LRRC37A: variants seen among roughly 807,000 people sequenced by gnomAD.
LRRC37A encodes leucine-rich repeat-containing protein 37A.
LRRC37A carries 3 observed loss-of-function variants against 35.4 expected under a neutral mutation model. That is an observed-to-expected ratio of 0.08 (90% CI 0.04 to 0.22). The LOEUF is 0.22. Among genes scored for constraint, LRRC37A ranks in the 10% least tolerant of loss-of-function variants. The pLI is 1.00. For synonymous variants in LRRC37A, 23 were observed against 215.0 expected (o/e 0.11, Z 7.81); for missense variants, 67 against 565.3 (o/e 0.12, Z 8.94).
At chr17:46,323,560 C>T in intron 7 of LRRC37A, among the ~76,000 whole-genome samples, 1 of 91,050 alleles carries the variant, frequency 1.1e-5, no homozygotes, top group East Asian at 2.9e-4. Context: ...CCACACCTGG[C>T]TAATTTTTGT....
At chr17:46,271,672 AAAC>A in the LRRC37A span, among the ~76,000 whole-genome samples, 8 of 152,086 alleles carry the variant, frequency 5.3e-5, no homozygotes, top group Non-Finnish European at 1.0e-4. Context: ...GGTAGATTAC[AAAC>A]AACAGCAAAT....
At chr17:46,331,225 C>T (rs754036546) in exon 9 of LRRC37A, 1 of 724,892 alleles carries the variant, frequency 1.4e-6, no homozygotes, top group East Asian at 2.6e-5. Flanking sequence ...ACGTGACCCA[C>T]AGAACAACCA....
the LRRC37A span, among the ~76,000 whole-genome samples, chr17:46,278,507 C>T: frequency 6.6e-6 from 1 of 150,744 alleles, no homozygotes; most frequent in Non-Finnish European, 1.5e-5. Flanking sequence ...TGGGTTCAAG[C>T]GATTTTCCAC....
At chr17:46,282,001 C>T in the LRRC37A span, among the ~76,000 whole-genome samples, 1 of 152,074 alleles carries the variant, frequency 6.6e-6, no homozygotes, top group African/African-American at 2.4e-5. Flanking sequence ...GCCTACTTTT[C>T]TTGCTTCCTT....
At chr17:46,307,785 G>A (rs2050618011) in intron 5 of LRRC37A, among the ~76,000 whole-genome samples, 3 of 79,096 alleles carry the variant, frequency 3.8e-5, no homozygotes, top group African/African-American at 9.4e-5. Context: ...TGCTGAGGTG[G>A]GTGGATCACC....
chr17:46,277,093 C>T, the LRRC37A span, among the ~76,000 whole-genome samples: 1 of 152,370 alleles, frequency 6.6e-6, no homozygotes, highest in Non-Finnish European at 1.5e-5. Flanking sequence ...GTGTGAGCCA[C>T]TGCACACAGC....
At chr17:46,250,199 G>A in the LRRC37A span, among the ~76,000 whole-genome samples, 2 of 152,202 alleles carry the variant, frequency 1.3e-5, no homozygotes, top group East Asian at 3.8e-4. Context: ...CCAAAGTGCT[G>A]GGATTATAGG....
chr17:46,288,315 T>C (rs2143431337), upstream of LRRC37A, among the ~76,000 whole-genome samples: 1 of 147,684 alleles, frequency 6.8e-6, no homozygotes, highest in Non-Finnish European at 1.5e-5. Context: ...CTTTTTTTTT[T>C]TTTTTTTTTT....
chr17:46,300,074 T>C (rs573551338), intron 2 of LRRC37A, among the ~76,000 whole-genome samples: 2 of 61,576 alleles, frequency 3.2e-5, no homozygotes, highest in East Asian at 5.9e-4. Flanking sequence ...TTATTTTTTA[T>C]CATACAAATA....
the LRRC37A span, among the ~76,000 whole-genome samples, chr17:46,261,116 T>G: frequency 6.6e-6 from 1 of 152,218 alleles, no homozygotes; most frequent in Non-Finnish European, 1.5e-5. Context: ...CAGTCTATAT[T>G]GCTTGGGTGA....
At chr17:46,250,434 G>A in the LRRC37A span, among the ~76,000 whole-genome samples, 3 of 152,266 alleles carry the variant, frequency 2.0e-5, no homozygotes, top group Admixed American at 6.5e-5. Context: ...TTGAGTCAGC[G>A]GGCTGAGAAA....
chr17:46,258,869 C>A, the LRRC37A span, among the ~76,000 whole-genome samples: 2 of 151,266 alleles, frequency 1.3e-5, no homozygotes, highest in African/African-American at 2.4e-5. Context: ...CGCCTGCCAC[C>A]ACGCCCGGCT....
At chr17:46,283,301 CAT>C in the LRRC37A span, among the ~76,000 whole-genome samples, 2 of 152,218 alleles carry the variant, frequency 1.3e-5, no homozygotes, top group Admixed American at 1.3e-4. Flanking sequence ...AAATTCAACT[CAT>C]GTGTACCCAC....
chr17:46,270,520 G>A, the LRRC37A span, among the ~76,000 whole-genome samples: 29 of 152,328 alleles, frequency 1.9e-4, no homozygotes, highest in African/African-American at 6.7e-4. Flanking sequence ...TAGAATTATA[G>A]CTAATGAAGA....
At chr17:46,302,430 A>AGT (rs1322626785) in intron 2 of LRRC37A, among the ~76,000 whole-genome samples, 1 of 70,648 alleles carries the variant, frequency 1.4e-5, no homozygotes, top group African/African-American at 3.5e-5. Context: ...GGTGTGCTTG[A>AGT]GTGTGTGTGT....
chr17:46,253,228 T>G, the LRRC37A span, among the ~76,000 whole-genome samples: 6 of 102,912 alleles, frequency 5.8e-5, no homozygotes, highest in South Asian at 5.8e-4. Flanking sequence ...TCTCAGACGA[T>G]GGGCGGCCGG....
At chr17:46,262,797 A>G in the LRRC37A span, among the ~76,000 whole-genome samples, 7 of 147,116 alleles carry the variant, frequency 4.8e-5, no homozygotes, top group South Asian at 2.1e-4. Context: ...GAAAAAAAAA[A>G]AAAAGAAAAG....
At chr17:46,267,403 C>G in the LRRC37A span, 56,033 of 1,600,392 alleles carry the variant, frequency 0.035, 1,389 homozygotes, top group East Asian at 0.1. Context: ...TCGGGACGGG[C>G]TGTACAAGAT....
upstream of LRRC37A, among the ~76,000 whole-genome samples, chr17:46,290,729 G>C (rs1416259050): frequency 6.6e-6 from 1 of 152,244 alleles, no homozygotes; most frequent in Non-Finnish European, 1.5e-5. Flanking sequence ...TTATAGGCAT[G>C]AGCCATTGCG....
Sources: allele counts gnomAD v4.1 joint callset (sites outside exome capture counted in the v4.1 genomes callset), GRCh38; gene constraint gnomAD v4.1.1; transcripts MANE v1.5; gene names NCBI Gene and HGNC (gene_info 2026-07-23, HGNC 2026-07-21).